Variants in PALS2 observed in about 807,000 individuals in gnomAD.
PALS2 encodes the protein protein associated with LIN7 2, MAGUK p55 family member.
Under a neutral mutation model 61.6 loss-of-function variants are expected in PALS2, and 27 were observed. That is an observed-to-expected ratio of 0.44 (90% CI 0.32 to 0.60). The LOEUF (loss-of-function observed/expected upper bound fraction) is 0.60. PALS2 is among the 20% of genes least tolerant of loss of function. The pLI is 0.05. For synonymous variants in PALS2, 236 were observed against 218.6 expected (o/e 1.08, Z -0.70); for missense variants, 554 against 639.4 (o/e 0.87, Z 1.44).
At chr7:24,593,514 C>T (rs754126287) in intron 1 of PALS2, among the ~76,000 whole-genome samples, 8 of 152,074 alleles carry the variant, frequency 5.3e-5, no homozygotes, top group African/African-American at 9.7e-5. Context: ...TGGCAGCTAT[C>T]GTCTTATGAG....
intron 1 of PALS2, among the ~76,000 whole-genome samples, chr7:24,601,366 C>G (rs917140896): frequency 6.6e-6 from 1 of 152,088 alleles, no homozygotes; most frequent in Non-Finnish European, 1.5e-5. Context: ...AATTCAACCC[C>G]GAAATCTGTG....
Position 24,668,291 on chromosome 7 carries a change from CAGTG to C in PALS2, c.953-205_953-202del, listed in dbSNP as rs551081747. Among the ~76,000 whole-genome samples the C allele has an allele frequency of 2.6e-3, 397 of 152,222 alleles. 1 individual carries two copies. The highest frequency in any genetic ancestry group is 9.1e-3 in the African/African-American group (379 of 41,536). ...CACCACTATACTCTACCCTGGGTGA[CAGTG>C]AGCCCCGGTCTTAAAAACAATAATA... On this transcript the variant is annotated intron_variant, in intron 8 of 11. Transcript: ENST00000222644.
intron 1 of PALS2, among the ~76,000 whole-genome samples, chr7:24,616,259 T>TA (rs2128053891): frequency 6.6e-6 from 1 of 152,204 alleles, no homozygotes; most frequent in Admixed American, 6.5e-5. Context: ...ATCAAATTGT[T>TA]ACTGTTTACA....
chr7:24,589,887 T>A (rs1783216945), intron 1 of PALS2, among the ~76,000 whole-genome samples: 2 of 152,130 alleles, frequency 1.3e-5, no homozygotes, highest in African/African-American at 2.4e-5. Context: ...ATGACTGGCA[T>A]TTTTGGCAGT....
chr7:24,627,376 A>G (rs1351446340), intron 2 of PALS2, among the ~76,000 whole-genome samples: 1 of 152,208 alleles, frequency 6.6e-6, no homozygotes, highest in Non-Finnish European at 1.5e-5. Context: ...TTTAGAGGGA[A>G]ATTTATAGCA....
At chr7:24,628,866 C>A (rs961376734) in intron 2 of PALS2, among the ~76,000 whole-genome samples, 30 of 152,294 alleles carry the variant, frequency 2.0e-4, no homozygotes, top group African/African-American at 7.0e-4. Flanking sequence ...GAAAAACATT[C>A]CATGCTCATG....
At chr7:24,645,941 T>C (rs1485666773) in intron 3 of PALS2, among the ~76,000 whole-genome samples, 1 of 152,198 alleles carries the variant, frequency 6.6e-6, no homozygotes, top group Non-Finnish European at 1.5e-5. Context: ...TGTATATGAA[T>C]GCTAGTGATT....
Position 24,690,128 on chromosome 7 carries a change from T to G in PALS2, c.*2514T>G, listed in dbSNP as rs1423117469. On this transcript the variant is annotated 3_prime_UTR_variant, in exon 12 of 12. Coordinates refer to ENST00000222644, the MANE Select transcript of PALS2 (RefSeq NM_001303037.2). ...CTAATATAAAATGAAATGATGCAGT[T>G]TAGTTCATTTCAGTCTAGATGCCCG... The G allele has an allele frequency of 6.6e-6, 1 of 152,244 alleles. No homozygotes were observed. The highest frequency in any genetic ancestry group is 1.5e-5 in the Non-Finnish European group (1 of 68,040). The allele number at this position is 152,244 out of a possible 1,614,324, so 9.4% of individuals were successfully genotyped here. A position where few individuals can be genotyped will look rare whatever the true frequency, so the allele number is the denominator to read the frequency against.
intron 2 of PALS2, among the ~76,000 whole-genome samples, chr7:24,636,517 G>C (rs1227150699): frequency 6.6e-6 from 1 of 152,150 alleles, no homozygotes; most frequent in African/African-American, 2.4e-5. Flanking sequence ...AAGATAGCTA[G>C]AAGAGAAGAT....
intron 8 of PALS2, 51 bp downstream of exon 8, chr7:24,666,140 T>C: frequency 6.8e-7 from 1 of 1,477,472 alleles, no homozygotes; most frequent in African/African-American, 1.4e-5. Flanking sequence ...CTATATGTCA[T>C]TTAGTGTGGC....
At chr7:24,657,926 C>G (rs977985807) in intron 5 of PALS2, among the ~76,000 whole-genome samples, 1 of 152,106 alleles carries the variant, frequency 6.6e-6, no homozygotes, top group Non-Finnish European at 1.5e-5. Context: ...TATGAATATT[C>G]AATTTTTCCA....
intron 1 of PALS2, among the ~76,000 whole-genome samples, chr7:24,591,818 C>T (rs1783298354): frequency 6.6e-6 from 1 of 151,938 alleles, no homozygotes; most frequent in Non-Finnish European, 1.5e-5. Context: ...TAACATTGTA[C>T]TCATAGCCAA....
At position 24,693,910 on chromosome 7, in the gene PALS2, C is replaced by T. The variant is rs1788589281; in HGVS notation, c.*6296C>T. ...TTTTATTCTTCCTTTTCCCCCCACG[C>T]CAGTTCGTTTTGGTAAGTCTTTTAT... On this transcript the variant is annotated 3_prime_UTR_variant, in exon 12 of 12. Coordinates refer to ENST00000222644, the MANE Select transcript of PALS2 (RefSeq NM_001303037.2). 1 of 151,948 alleles carries T rather than the reference C, an allele frequency of 6.6e-6. No individual in the cohort carries two copies. The highest frequency in any genetic ancestry group is 1.5e-5 in the Non-Finnish European group (1 of 67,980). The allele number at this position is 151,948 out of a possible 1,614,324, so 9.4% of individuals were successfully genotyped here.
chr7:24,591,649 G>A (rs1422216730), intron 1 of PALS2, among the ~76,000 whole-genome samples: 1 of 152,122 alleles, frequency 6.6e-6, no homozygotes, highest in Non-Finnish European at 1.5e-5. Flanking sequence ...CTCTGCAAAT[G>A]CAGAATTATC....
At chr7:24,651,967 G>A (rs1310242575) in intron 5 of PALS2, among the ~76,000 whole-genome samples, 2 of 152,142 alleles carry the variant, frequency 1.3e-5, no homozygotes, top group South Asian at 2.1e-4. Flanking sequence ...AGATAGGCTT[G>A]TAATTAACTT....
rs368896893 is a variant in PALS2, at chr7:24,650,597, A to G, written c.536A>G (p.Asn179Ser). 46 of 1,611,914 alleles carry G rather than the reference A, an allele frequency of 2.9e-5. No homozygotes were observed. The highest frequency in any genetic ancestry group is 3.1e-5 in the Non-Finnish European group (37 of 1,178,290). The change falls in exon 5 of 12, where the codon AAT becomes AGT. Residue 179 changes from asparagine (N) to serine (S), a missense_variant. Coordinates refer to ENST00000222644, the MANE Select transcript of PALS2 (RefSeq NM_001303037.2). ...GTGGGAGATATAATTAAAGAAGTCA[A>G]TGGCCATGAGGTTGGAAATAATCCA... ...LHVGDIIKEV[N>S]GHEVGNNPKE...
At chr7:24,591,390 A>G (rs1230673522) in intron 1 of PALS2, among the ~76,000 whole-genome samples, 1 of 152,178 alleles carries the variant, frequency 6.6e-6, no homozygotes, top group Non-Finnish European at 1.5e-5. Context: ...GTAGCTTGAC[A>G]TACGTGGGCT....
At chr7:24,659,677 G>A (rs1354248676) in intron 5 of PALS2, among the ~76,000 whole-genome samples, 2 of 152,092 alleles carry the variant, frequency 1.3e-5, no homozygotes, top group Non-Finnish European at 2.9e-5. Context: ...TTTTCCACTT[G>A]GCCTGGTGAG....
In PALS2 at chr7:24,690,018, A is replaced by G. The variant is rs960286433; in HGVS notation, c.*2404A>G. The G allele has an allele frequency of 6.6e-6, 1 of 152,258 alleles. No individual in the cohort carries two copies. The highest frequency in any genetic ancestry group is 2.4e-5 in the African/African-American group (1 of 41,470). The allele number at this position is 152,258 out of a possible 1,614,324, so 9.4% of individuals were successfully genotyped here. On this transcript the variant is annotated 3_prime_UTR_variant, in exon 12 of 12. Coordinates refer to ENST00000222644, the MANE Select transcript of PALS2 (RefSeq NM_001303037.2). ...AGCCTTATGTGATATAAAATGTATT[A>G]CTTAGAAAATATACTTAAAGGAATT...
Sources: gnomAD v4.1 joint callset for allele counts (sites outside exome capture counted in the v4.1 genomes callset) on GRCh38, gnomAD v4.1.1 for gene constraint, MANE v1.5 for transcripts, NCBI Gene and HGNC (gene_info 2026-07-23, HGNC 2026-07-21) for gene names.